AKAP10: variants seen among roughly 807,000 people sequenced by gnomAD.
AKAP10 encodes the protein A-kinase anchoring protein 10.
AKAP10 carries 24 observed loss-of-function variants against 80.8 expected under a neutral mutation model. That is an observed-to-expected ratio of 0.30 (90% confidence interval 0.22 to 0.42). AKAP10 has a LOEUF of 0.42. Ranked by LOEUF, AKAP10 falls within the 10% of genes least tolerant of loss-of-function variation. The probability of loss-of-function intolerance (pLI) is 1.00; values close to 1 mark genes in which losing one functional copy is unlikely to be tolerated. For synonymous variants in AKAP10, 291 were observed against 277.7 expected (o/e 1.05, Z -0.48); for missense variants, 661 against 794.9 (o/e 0.83, Z 2.03).
At chr17:19,912,077 G>A (rs930878992) in intron 12 of AKAP10, among the ~76,000 whole-genome samples, 6 of 151,974 alleles carry the variant, frequency 3.9e-5, no homozygotes, top group African/African-American at 4.8e-5. Context: ...AACTTCTTAA[G>A]TTATCTTGCT....
At chr17:19,951,998 G>T (rs2152416743) in intron 4 of AKAP10, among the ~76,000 whole-genome samples, 1 of 147,062 alleles carries the variant, frequency 6.8e-6, no homozygotes, top group Non-Finnish European at 1.5e-5. Flanking sequence ...TAAATCCAAA[G>T]ATATTAATAT....
chr17:19,908,800 C>T (rs892795072), intron 14 of AKAP10, among the ~76,000 whole-genome samples: 4 of 151,902 alleles, frequency 2.6e-5, no homozygotes, highest in Admixed American at 1.3e-4. Flanking sequence ...CCACCACACC[C>T]GGCTAAGACA....
intron 2 of AKAP10, among the ~76,000 whole-genome samples, chr17:19,963,698 C>T (rs927384037): frequency 1.3e-4 from 19 of 151,878 alleles, no homozygotes; most frequent in African/African-American, 4.6e-4. Flanking sequence ...AGTTCAAGAC[C>T]AGCCTGACCA....
chr17:19,936,572 C>T (rs2042994966), intron 8 of AKAP10, 142 bp from the exon 9 acceptor site: 1 of 783,772 alleles, frequency 1.3e-6, no homozygotes, highest in South Asian at 2.2e-5. Flanking sequence ...GATGACAGTG[C>T]TGATGTAACC....
chr17:19,924,518 C>A lies in AKAP10; in HGVS notation c.1642-1G>T. The A allele has an allele frequency of 6.3e-7, 1 of 1,575,718 alleles. No individual in the cohort carries two copies. The highest frequency in any genetic ancestry group is 8.7e-7 in the Non-Finnish European group (1 of 1,152,788). ...TAATACTGGCTTTTTTCACACTGGA[C>A]TACAATAGAAATTGTAAAATTAGAA... On this transcript the variant is annotated splice_acceptor_variant, in intron 10 of 14. Coordinates refer to ENST00000225737, the MANE Select transcript of AKAP10 (RefSeq NM_007202.4). LOFTEE classifies it high-confidence loss of function.
At chr17:19,975,862 TA>T (rs1358796162) in intron 1 of AKAP10, among the ~76,000 whole-genome samples, 2 of 152,060 alleles carry the variant, frequency 1.3e-5, no homozygotes, top group African/African-American at 4.8e-5. Flanking sequence ...TTTCCCCCCT[TA>T]AAAAAACAAA....
chr17:19,934,772 G>A lies in AKAP10; in HGVS notation c.1467+1514C>T, dbSNP rs541532602. ...TCATGCCTGTAATCCCAGCACTTTC[G>A]GAGGCCAAAGCAGGCAGATCACTTA... On this transcript the variant is annotated intron_variant, in intron 9 of 14. Transcript: ENST00000225737. Among the ~76,000 whole-genome samples the A allele has an allele frequency of 5.3e-5, 8 of 152,236 alleles. No individual in the cohort carries two copies. In the South Asian group the frequency reaches 6.2e-4, roughly 12 times the overall value.
intron 10 of AKAP10, among the ~76,000 whole-genome samples, chr17:19,927,805 G>T (rs1039018287): frequency 2.0e-5 from 3 of 152,088 alleles, no homozygotes; most frequent in Non-Finnish European, 2.9e-5. Flanking sequence ...AGCTACTGGG[G>T]AGGCTGAGGC....
At chr17:19,962,658 G>A (rs2043367139) in intron 3 of AKAP10, among the ~76,000 whole-genome samples, 182 bp downstream of exon 3, 1 of 152,096 alleles carries the variant, frequency 6.6e-6, no homozygotes. Flanking sequence ...TACTGGGCAT[G>A]CTTTATATTC....
At chr17:19,961,193 A>T (rs2043345170) in intron 3 of AKAP10, among the ~76,000 whole-genome samples, 1 of 151,536 alleles carries the variant, frequency 6.6e-6, no homozygotes, top group South Asian at 2.1e-4. Flanking sequence ...AAAAAAAAAA[A>T]AAATACAAAA....
At chr17:19,932,477 A>C (rs910499018) in intron 9 of AKAP10, among the ~76,000 whole-genome samples, 1 of 151,364 alleles carries the variant, frequency 6.6e-6, no homozygotes, top group African/African-American at 2.4e-5. Context: ...AAAAATTACA[A>C]TGCATGTAAT....
intron 11 of AKAP10, among the ~76,000 whole-genome samples, chr17:19,921,765 A>G: frequency 6.6e-6 from 1 of 152,140 alleles, no homozygotes; most frequent in Admixed American, 6.5e-5. Context: ...TACTGGGTAT[A>G]AGAGGGAAAA....
intron 9 of AKAP10, among the ~76,000 whole-genome samples, chr17:19,935,764 T>C (rs568102648): frequency 1.3e-5 from 2 of 152,250 alleles, no homozygotes; most frequent in South Asian, 4.1e-4. Flanking sequence ...GTAACACGCA[T>C]GGAGCCGTCA....
chr17:19,905,028 ATAT>A lies in AKAP10; in HGVS notation c.*1196_*1198del, dbSNP rs1256853703. 7.4e-6 allele frequency: 1 copy of A among 135,198 alleles called. No individual in the cohort carries two copies. The highest frequency in any genetic ancestry group is 2.9e-5 in the African/African-American group (1 of 34,410). The allele number at this position is 135,198 out of a possible 1,614,324, so 8.4% of individuals were successfully genotyped here. A position where few individuals can be genotyped will look rare whatever the true frequency, so the allele number is the denominator to read the frequency against. ...ATTATATATTTATACATATATATAT[ATAT>A]TTTTTTTTTTGCAAAGTCTGAGCAA... is the stretch of plus-strand genomic sequence containing the variant. On this transcript the variant is annotated 3_prime_UTR_variant, in exon 15 of 15. Coordinates refer to ENST00000225737, the MANE Select transcript of AKAP10 (RefSeq NM_007202.4).
At position 19,949,353 on chromosome 17, in the gene AKAP10, C is replaced by T. The variant is rs186925953; in HGVS notation, c.878-1848G>A. 1.6e-4 allele frequency among the ~76,000 whole-genome samples: 24 copies of T among 151,446 alleles called. No homozygotes were observed. In the East Asian group the frequency reaches 4.3e-3, roughly 27 times the overall value. Reference sequence around the variant, plus strand: ...ATGAATAGAAATTTTCGAAGCTGAACAACAGGAAAAAAAAATTTAAAGAAG... The same window carrying T: ...ATGAATAGAAATTTTCGAAGCTGAATAACAGGAAAAAAAAATTTAAAGAAG... On this transcript the variant is annotated intron_variant, in intron 4 of 14. Transcript: ENST00000225737.
intron 1 of AKAP10, among the ~76,000 whole-genome samples, chr17:19,975,348 G>A (rs1458979926): frequency 6.6e-6 from 1 of 152,116 alleles, no homozygotes; most frequent in African/African-American, 2.4e-5. Context: ...ACCTAACCAT[G>A]GCCCGTAGAG....
intron 12 of AKAP10, among the ~76,000 whole-genome samples, chr17:19,919,325 T>G (rs970663960): frequency 6.6e-6 from 1 of 152,174 alleles, no homozygotes; most frequent in Non-Finnish European, 1.5e-5. Context: ...CAGTCTATTT[T>G]CCACATATAT....
At chr17:19,947,180 G>A (rs1410429946) in intron 5 of AKAP10, 4 of 503,390 alleles carry the variant, frequency 7.9e-6, no homozygotes, top group Admixed American at 3.3e-5. Flanking sequence ...CTGAGCACCC[G>A]CTACACTGCA....
At chr17:19,969,855 C>T (rs937315648) in intron 1 of AKAP10, among the ~76,000 whole-genome samples, 6 of 152,056 alleles carry the variant, frequency 3.9e-5, no homozygotes, top group African/African-American at 1.4e-4. Context: ...GTCAGGAAGA[C>T]GACATTTAAA....
Sources: allele counts gnomAD v4.1 joint callset (sites outside exome capture counted in the v4.1 genomes callset), GRCh38; gene constraint gnomAD v4.1.1; transcripts MANE v1.5; gene names NCBI Gene and HGNC (gene_info 2026-07-23, HGNC 2026-07-21).